CNTNAP2: variants seen among roughly 807,000 people sequenced by gnomAD.
CNTNAP2 encodes the protein contactin associated protein 2.
Under a neutral mutation model 155.2 loss-of-function variants are expected in CNTNAP2, and 98 were observed. The ratio of observed to expected loss-of-function variants is 0.63; its 90% CI spans 0.54 to 0.75. The LOEUF (loss-of-function observed/expected upper bound fraction) is 0.75, where lower values mean the gene tolerates loss of function less well. Ranked by LOEUF, CNTNAP2 falls within the 30% of genes least tolerant of loss-of-function variation. The pLI is 0.00. For missense variants in CNTNAP2, 1,727 were observed against 1,688.1 expected (o/e 1.02, Z -0.40); for synonymous variants, 651 against 631.2 (o/e 1.03, Z -0.47).
At position 147,726,597 on chromosome 7, in the gene CNTNAP2, G is replaced by T. The variant is rs1007225071; in HGVS notation, c.2098+87291G>T. On this transcript the variant is annotated intron_variant, in intron 13 of 23. Coordinates refer to ENST00000361727, the MANE Select transcript of CNTNAP2 (RefSeq NM_014141.6). The stretch of plus-strand genomic sequence containing the variant: ...TGGGCAGCAGCAAGGGTCCGAGAAG[G>T]TTGAGAACGTCTTTGTCCTGGGTCA... Among the ~76,000 whole-genome samples, 3 of 152,102 alleles carry T rather than the reference G, an allele frequency of 2.0e-5. No individual in the cohort carries two copies. In the East Asian group the frequency reaches 5.8e-4, roughly 30 times the overall value.
intron 15 of CNTNAP2, among the ~76,000 whole-genome samples, chr7:148,027,659 A>G (rs1270802853): frequency 1.3e-5 from 2 of 152,226 alleles, no homozygotes; most frequent in African/African-American, 4.8e-5. Flanking sequence ...TGTACTTTTA[A>G]CAATCATACC....
At chr7:147,050,174 C>CCCACAGCGCAGACA (rs1282352015) in intron 4 of CNTNAP2, among the ~76,000 whole-genome samples, 1 of 152,152 alleles carries the variant, frequency 6.6e-6, no homozygotes, top group East Asian at 1.9e-4. Flanking sequence ...TGAGCTTTCT[C>CCCACAGCGCAGACA]CCACAGCGCA....
intron 1 of CNTNAP2, among the ~76,000 whole-genome samples, chr7:146,356,939 C>T (rs1016445372): frequency 6.6e-5 from 10 of 152,170 alleles, no homozygotes; most frequent in African/African-American, 2.2e-4. Flanking sequence ...AACTTCTACA[C>T]AGAAAACAAT....
At chr7:146,249,935 C>T (rs1799729656) in intron 1 of CNTNAP2, among the ~76,000 whole-genome samples, 1 of 152,116 alleles carries the variant, frequency 6.6e-6, no homozygotes, top group African/African-American at 2.4e-5. Flanking sequence ...TCTTAGGGCT[C>T]TATGCAGTGA....
rs34474931 is a variant in CNTNAP2, at chr7:146,564,427, A to G, written c.98-209844A>G. ...AGGGTAGCTATGACCATTAAACTAG[A>G]TATTTTCTGGCACAGAGTAAGTACT... On this transcript the variant is annotated intron_variant, in intron 1 of 23. Coordinates refer to ENST00000361727, the MANE Select transcript of CNTNAP2 (RefSeq NM_014141.6). 6.6e-3 allele frequency among the ~76,000 whole-genome samples: 1,004 copies of G among 151,642 alleles called. 3 individuals carry two copies. The highest frequency in any genetic ancestry group is 0.011 in the Non-Finnish European group (744 of 67,848).
intron 21 of CNTNAP2, among the ~76,000 whole-genome samples, chr7:148,323,908 C>T (rs1421728150): frequency 1.0e-4 from 12 of 116,130 alleles, no homozygotes; most frequent in Admixed American, 4.2e-4. Flanking sequence ...TTTTTTGAGA[C>T]GGAGTTTCAC....
At chr7:147,013,669 A>G (rs143672152) in intron 3 of CNTNAP2, among the ~76,000 whole-genome samples, 3 of 152,258 alleles carry the variant, frequency 2.0e-5, no homozygotes, top group Admixed American at 6.5e-5. Context: ...TATTTACAGC[A>G]TATGTTCTTA....
At chr7:147,083,868 TACATATTATATACATATACACATGTATG>T (rs1800203409) in intron 4 of CNTNAP2, among the ~76,000 whole-genome samples, 1 of 140,834 alleles carries the variant, frequency 7.1e-6, no homozygotes, top group African/African-American at 2.6e-5. Context: ...CACATGTATG[TACATATTATATACATATACACATGTATG>T]TATATATTAT....
At chr7:146,362,007 T>G (rs1026083675) in intron 1 of CNTNAP2, among the ~76,000 whole-genome samples, 3 of 152,090 alleles carry the variant, frequency 2.0e-5, no homozygotes, top group Non-Finnish European at 2.9e-5. Context: ...AATATATAAA[T>G]AGATATATAG....
intron 4 of CNTNAP2, among the ~76,000 whole-genome samples, chr7:147,052,157 A>G (rs113606774): frequency 5.3e-5 from 8 of 152,298 alleles, no homozygotes; most frequent in African/African-American, 1.7e-4. Flanking sequence ...CTGAATTTCC[A>G]CAATGAGTCA....
At chr7:147,552,685 T>C (rs1156934986) in intron 11 of CNTNAP2, among the ~76,000 whole-genome samples, 1 of 152,024 alleles carries the variant, frequency 6.6e-6, no homozygotes, top group African/African-American at 2.4e-5. Context: ...TTCTCCACAC[T>C]GTCCTTCAAC....
chr7:147,477,481 T>C (rs945990761), intron 10 of CNTNAP2, among the ~76,000 whole-genome samples: 1 of 152,128 alleles, frequency 6.6e-6, no homozygotes, highest in African/African-American at 2.4e-5. Flanking sequence ...AGCATTAAAA[T>C]AGCTGTTGAG....
At chr7:146,824,415 G>T (rs1803359646) in intron 2 of CNTNAP2, among the ~76,000 whole-genome samples, 1 of 152,150 alleles carries the variant, frequency 6.6e-6, no homozygotes, top group African/African-American at 2.4e-5. Context: ...TAATGGGATT[G>T]TTGGGTCAAA....
rs532411107 is a variant in CNTNAP2, at chr7:147,999,823, A to G, written c.2383+21834A>G. Reference sequence around the variant, plus strand: ...GCAGTTGCCCTGCCTTAAGCCAAGGAACATGAAGGATTGCCGGCTACTGCC... The same window carrying G: ...GCAGTTGCCCTGCCTTAAGCCAAGGGACATGAAGGATTGCCGGCTACTGCC... On this transcript the variant is annotated intron_variant, in intron 15 of 23. Transcript: ENST00000361727. 2.0e-5 allele frequency among the ~76,000 whole-genome samples: 3 copies of G among 152,264 alleles called. No homozygotes were observed. The South Asian group carries it at 6.2e-4, about 32-fold the overall frequency.
At chr7:146,754,162 T>C (rs1801952256) in intron 1 of CNTNAP2, among the ~76,000 whole-genome samples, 1 of 151,974 alleles carries the variant, frequency 6.6e-6, no homozygotes, top group Non-Finnish European at 1.5e-5. Context: ...CAACCACCCA[T>C]GAAAGTTGCA....
intron 8 of CNTNAP2, among the ~76,000 whole-genome samples, chr7:147,247,796 A>T (rs1804098827): frequency 6.6e-6 from 1 of 152,206 alleles, no homozygotes; most frequent in Admixed American, 6.5e-5. Context: ...AAAGTAACAT[A>T]GCCATCTGGT....
chr7:146,906,598 G>T (rs1030301490), intron 3 of CNTNAP2, among the ~76,000 whole-genome samples: 1 of 152,024 alleles, frequency 6.6e-6, no homozygotes, highest in Non-Finnish European at 1.5e-5. Context: ...GGTCCTGTCT[G>T]TTAGAAGGAA....
chr7:147,601,654 T>C (rs866959979), intron 12 of CNTNAP2, among the ~76,000 whole-genome samples: 2 of 132,450 alleles, frequency 1.5e-5, no homozygotes, highest in Non-Finnish European at 3.2e-5. Context: ...AATATATATA[T>C]ATATATATAT....
chr7:147,100,510 T>A (rs910503755), intron 4 of CNTNAP2, among the ~76,000 whole-genome samples: 1 of 152,202 alleles, frequency 6.6e-6, no homozygotes, highest in African/African-American at 2.4e-5. Flanking sequence ...TCAAAGGAAA[T>A]TATATATTCT....
Sources: gnomAD v4.1 joint callset for allele counts (sites outside exome capture counted in the v4.1 genomes callset) on GRCh38, gnomAD v4.1.1 for gene constraint, MANE v1.5 for transcripts, NCBI Gene and HGNC (gene_info 2026-07-23, HGNC 2026-07-21) for gene names.